PARD3B: variants seen among roughly 807,000 people sequenced by gnomAD.
The protein encoded by PARD3B is par-3 family cell polarity regulator beta.
A neutral mutation model predicts 130.2 loss-of-function variants in PARD3B; 103 were observed. The ratio of observed to expected loss-of-function variants is 0.79; its 90% confidence interval spans 0.67 to 0.93. The LOEUF (loss-of-function observed/expected upper bound fraction) is 0.93, where lower values mean the gene tolerates loss of function less well. Among genes scored for constraint, PARD3B ranks in the 40% least tolerant of loss-of-function variants. The pLI is 0.00. For missense variants in PARD3B, 1,609 were observed against 1,499.2 expected (o/e 1.07, Z -1.21); for synonymous variants, 583 against 553.2 (o/e 1.05, Z -0.76).
At chr2:205,113,158 G>A (rs1178035323) in intron 5 of PARD3B, among the ~76,000 whole-genome samples, 3 of 152,108 alleles carry the variant, frequency 2.0e-5, no homozygotes, top group Non-Finnish European at 4.4e-5. Context: ...GTGTTTTAAT[G>A]GGGAAAATTT....
rs1373259716 is a variant in PARD3B at position 204,575,653 on chromosome 2, CT to C, written c.120+29535del. On this transcript the variant is annotated intron_variant, in intron 1 of 22. Coordinates refer to ENST00000406610, the MANE Select transcript of PARD3B (RefSeq NM_001302769.2). The stretch of plus-strand genomic sequence containing the variant: ...ATGCAGGCCCCTGCCTGTTCTCCTC[CT>C]GGCTCTCTCTGGCTGTGGGGCTCAC... Among the ~76,000 whole-genome samples, 3 of 152,218 alleles carry C rather than the reference CT, an allele frequency of 2.0e-5. No individual in the cohort carries two copies. The East Asian group carries it at 5.8e-4, about 29-fold the overall frequency.
intron 2 of PARD3B, among the ~76,000 whole-genome samples, chr2:204,718,542 G>A (rs930519874): frequency 3.9e-5 from 6 of 152,258 alleles, no homozygotes; most frequent in Non-Finnish European, 2.9e-5. Context: ...GTCACCTCCT[G>A]TCAGGGCCCT....
chr2:204,736,554 C>CT (rs1250598716), intron 2 of PARD3B, among the ~76,000 whole-genome samples: 5 of 152,054 alleles, frequency 3.3e-5, no homozygotes, highest in African/African-American at 7.2e-5. Context: ...TCCTGTGTTA[C>CT]TTTTTTTAGA....
At position 204,942,304 on chromosome 2, in the gene PARD3B, A is replaced by G. The variant is rs547120576; in HGVS notation, c.223-22848A>G. Among the ~76,000 whole-genome samples the G allele has an allele frequency of 3.5e-4, 54 of 152,266 alleles. 1 individual carries two copies. In the South Asian group the frequency reaches 0.01, roughly 29 times the overall value. ...TATAGTAACGCTTCATTAAGATGTCAAGTCAAAATATTTTTTTCTTTCTCT... is the reference window on the plus strand; with the variant it reads ...TATAGTAACGCTTCATTAAGATGTCGAGTCAAAATATTTTTTTCTTTCTCT... On this transcript the variant is annotated intron_variant, in intron 2 of 22. Coordinates refer to ENST00000406610, the MANE Select transcript of PARD3B (RefSeq NM_001302769.2).
At chr2:205,542,350 G>GCGTT (rs1319983571) in intron 21 of PARD3B, among the ~76,000 whole-genome samples, 1 of 85,950 alleles carries the variant, frequency 1.2e-5, no homozygotes, top group Non-Finnish European at 2.6e-5. Context: ...TCAGTAGTTT[G>GCGTT]TGTTTGTGTG....
At chr2:204,572,532 A>T (rs1256710173) in intron 1 of PARD3B, among the ~76,000 whole-genome samples, 1 of 152,180 alleles carries the variant, frequency 6.6e-6, no homozygotes, top group South Asian at 2.1e-4. Flanking sequence ...GTTACAGGGA[A>T]TGGGGCTTTT....
chr2:205,514,909 G>C (rs1395750563), intron 21 of PARD3B, among the ~76,000 whole-genome samples: 33 of 150,262 alleles, frequency 2.2e-4, no homozygotes, highest in Non-Finnish European at 1.5e-5. Flanking sequence ...TGTCACGGGG[G>C]TTTGTTGGAC....
At chr2:204,611,641 A>G (rs923817838) in intron 1 of PARD3B, among the ~76,000 whole-genome samples, 2 of 152,222 alleles carry the variant, frequency 1.3e-5, no homozygotes, top group African/African-American at 4.8e-5. Context: ...TATGTAAGAT[A>G]TATATAAACA....
In PARD3B at chr2:205,512,893, G is replaced by A. The variant is rs151239481; in HGVS notation, c.3180+12862G>A. Among the ~76,000 whole-genome samples, 115 of 151,610 alleles carry A rather than the reference G, an allele frequency of 7.6e-4. 1 individual carries two copies. The highest frequency in any genetic ancestry group is 2.9e-3 in the Admixed American group (44 of 15,206). ...GGAGACACCTCCTTTTTTCTCTTTT[G>A]TTTTCCCATGATCACTAATTGGCAG... On this transcript the variant is annotated intron_variant, in intron 21 of 22. Transcript: ENST00000406610.
intron 1 of PARD3B, among the ~76,000 whole-genome samples, chr2:204,553,161 C>G (rs756835802): frequency 3.3e-5 from 5 of 152,058 alleles, no homozygotes; most frequent in East Asian, 1.9e-4. Context: ...AAAAAATGCT[C>G]AACATCACTA....
chr2:205,008,714 G>T (rs13420486), intron 3 of PARD3B, among the ~76,000 whole-genome samples: 2 of 152,146 alleles, frequency 1.3e-5, no homozygotes, highest in Non-Finnish European at 2.9e-5. Flanking sequence ...ATCAATTAAA[G>T]ACTTGACAGG....
At chr2:204,818,938 TTAAG>T (rs2043237724) in intron 2 of PARD3B, among the ~76,000 whole-genome samples, 1 of 152,146 alleles carries the variant, frequency 6.6e-6, no homozygotes. Flanking sequence ...TTGGAACATG[TTAAG>T]TAAGCTAGAG....
chr2:204,547,395 T>C (rs755307485), intron 1 of PARD3B, among the ~76,000 whole-genome samples: 17 of 152,196 alleles, frequency 1.1e-4, no homozygotes, highest in Non-Finnish European at 2.4e-4. Flanking sequence ...ATGAACTCTT[T>C]ACTGATGGAA....
chr2:205,200,001 C>T (rs2125823074), intron 15 of PARD3B, among the ~76,000 whole-genome samples: 1 of 152,076 alleles, frequency 6.6e-6, no homozygotes, highest in Admixed American at 6.5e-5. Context: ...TGGTCACCAG[C>T]AATCTCAATG....
At position 204,784,416 on chromosome 2, in the gene PARD3B, T is replaced by A. The variant is rs78556530; in HGVS notation, c.222+98134T>A. ...ATTATTGGATTCCTGTTAAACCAGATGATCCTTTTAAGTTGCATGCTTAAA... is the reference window on the plus strand; with the variant it reads ...ATTATTGGATTCCTGTTAAACCAGAAGATCCTTTTAAGTTGCATGCTTAAA... On this transcript the variant is annotated intron_variant, in intron 2 of 22. Coordinates refer to ENST00000406610, the MANE Select transcript of PARD3B (RefSeq NM_001302769.2). 7.9e-3 allele frequency among the ~76,000 whole-genome samples: 1,204 copies of A among 152,338 alleles called. 15 individuals carry two copies. The highest frequency in any genetic ancestry group is 0.027 in the African/African-American group (1,138 of 41,574).
chr2:204,661,950 A>G (rs1028970369), intron 1 of PARD3B, among the ~76,000 whole-genome samples: 1 of 152,146 alleles, frequency 6.6e-6, no homozygotes, highest in African/African-American at 2.4e-5. Flanking sequence ...TCATTTTAAT[A>G]CTCTTTTCAG....
chr2:204,862,694 G>T, intron 2 of PARD3B, among the ~76,000 whole-genome samples: 1 of 152,140 alleles, frequency 6.6e-6, no homozygotes, highest in East Asian at 1.9e-4. Context: ...TGTCACCAGA[G>T]CCTCACTTTT....
intron 22 of PARD3B, among the ~76,000 whole-genome samples, chr2:205,602,288 A>G (rs1267125416): frequency 6.6e-6 from 1 of 152,158 alleles, no homozygotes. Flanking sequence ...CAGTATTTTA[A>G]TGAGGATTTT....
intron 1 of PARD3B, among the ~76,000 whole-genome samples, chr2:204,670,476 G>A (rs914134034): frequency 6.6e-6 from 1 of 152,058 alleles, no homozygotes; most frequent in African/African-American, 2.4e-5. Context: ...AAACCCCACA[G>A]GTTTTTTCTA....
Sources: gnomAD v4.1 joint callset for allele counts (sites outside exome capture counted in the v4.1 genomes callset) on GRCh38, gnomAD v4.1.1 for gene constraint, MANE v1.5 for transcripts, NCBI Gene and HGNC (gene_info 2026-07-23, HGNC 2026-07-21) for gene names.